Variants in ITGAE observed in about 807,000 individuals in gnomAD.
ITGAE encodes integrin alpha-E.
ITGAE carries 99 observed loss-of-function variants against 136.5 expected under a neutral mutation model. The ratio of observed to expected loss-of-function variants is 0.73; its 90% CI spans 0.62 to 0.86. ITGAE has a LOEUF of 0.86. ITGAE is among the 40% of genes least tolerant of loss of function. The pLI is 0.00. For missense variants in ITGAE, 1,447 were observed against 1,515.3 expected, an observed-to-expected ratio of 0.95 and a Z score of 0.75; for synonymous variants, 613 against 591.8, an observed-to-expected ratio of 1.04 and a Z score of -0.52.
intron 1 of ITGAE, among the ~76,000 whole-genome samples, chr17:3,796,192 T>TGTGTGTGTGTGTGG (rs1016303323): frequency 2.0e-5 from 3 of 148,596 alleles, no homozygotes; most frequent in Admixed American, 6.6e-5. Flanking sequence ...TGTGTGTGTG[T>TGTGTGTGTGTGTGG]GGTGGGGTAG....
intron 17 of ITGAE, among the ~76,000 whole-genome samples, chr17:3,746,963 T>C (rs2051732428): frequency 6.6e-6 from 1 of 152,230 alleles, no homozygotes; most frequent in Non-Finnish European, 1.5e-5. Flanking sequence ...CCCAGGAGAC[T>C]GCTCTCTGAC....
chr17:3,734,517 T>C (rs1049340260), intron 21 of ITGAE, among the ~76,000 whole-genome samples: 54 of 152,336 alleles, frequency 3.5e-4, no homozygotes, highest in African/African-American at 1.3e-3. Context: ...AGATTTTCAC[T>C]TTCCCAGTCT....
At position 3,729,504 on chromosome 17, in the gene ITGAE, C is replaced by T. The variant is rs1305325654; in HGVS notation, c.2886G>A (p.Arg962=). 2.5e-6 allele frequency: 4 copies of T among 1,611,814 alleles called. No individual in the cohort carries two copies. Among genetic ancestry groups the T allele is most frequent in the East Asian group, 2.2e-5 (1 of 44,880 alleles). ...LANETHTLQF[R]HGFVAVLSKP... ...TGGACAGAACTGCAACGAAGCCATGCCTGAATTGAAGGGTGTGGGTCTCGT... is the reference window on the plus strand; with the variant it reads ...TGGACAGAACTGCAACGAAGCCATGTCTGAATTGAAGGGTGTGGGTCTCGT... Residue 962 remains arginine, a synonymous_variant, in exon 24 of 31, where the codon AGG becomes AGA. Coordinates refer to ENST00000263087, the MANE Select transcript of ITGAE (RefSeq NM_002208.5).
intron 2 of ITGAE, among the ~76,000 whole-genome samples, chr17:3,765,407 A>C (rs1298127191): frequency 6.6e-6 from 1 of 151,982 alleles, no homozygotes; most frequent in Non-Finnish European, 1.5e-5. Context: ...GGACAGACTA[A>C]AGAGCACAGG....
chr17:3,757,891 C>T, intron 8 of ITGAE, 32 bp from the exon 9 acceptor site: 1 of 1,611,960 alleles, frequency 6.2e-7, no homozygotes, highest in Non-Finnish European at 8.5e-7. Context: ...AAGAAGAGAG[C>T]TTTGCCAGAA....
intron 1 of ITGAE, among the ~76,000 whole-genome samples, chr17:3,779,753 G>T (rs907528130): frequency 4.5e-4 from 69 of 152,134 alleles, no homozygotes; most frequent in African/African-American, 1.4e-3. Context: ...TGATGTGGTT[G>T]TCCACCATAT....
intron 17 of ITGAE, among the ~76,000 whole-genome samples, chr17:3,747,601 G>C (rs933624997): frequency 6.6e-6 from 1 of 152,118 alleles, no homozygotes; most frequent in African/African-American, 2.4e-5. Context: ...GAGCCACCGC[G>C]CCCGGCCTTC....
intron 26 of ITGAE, among the ~76,000 whole-genome samples, chr17:3,727,354 A>G (rs1173597925): frequency 2.0e-5 from 3 of 151,888 alleles, no homozygotes; most frequent in Non-Finnish European, 2.9e-5. Flanking sequence ...GAATTTATCA[A>G]TTTTCAAAGG....
intron 2 of ITGAE, among the ~76,000 whole-genome samples, chr17:3,775,626 A>G (rs1327838992): frequency 3.5e-5 from 5 of 144,014 alleles, no homozygotes; most frequent in Non-Finnish European, 7.7e-5. Context: ...CACCCAGCTA[A>G]TTTTTTTTTT....
At chr17:3,786,018 T>G (rs972522291) in intron 1 of ITGAE, among the ~76,000 whole-genome samples, 1 of 151,558 alleles carries the variant, frequency 6.6e-6, no homozygotes, top group Non-Finnish European at 1.5e-5. Flanking sequence ...ATACAAAAAA[T>G]TAGCCGGGCG....
intron 29 of ITGAE, chr17:3,717,046 CAGG>C (rs2050957033): frequency 5.0e-6 from 2 of 397,818 alleles, no homozygotes; most frequent in South Asian, 5.3e-5. Context: ...CTAGGTCTGT[CAGG>C]AGATTATGAC....
Position 3,761,999 on chromosome 17 carries a change from C to T in ITGAE, c.248-17G>A. 1 of 1,611,636 alleles carries T rather than the reference C, an allele frequency of 6.2e-7. No homozygotes were observed. The highest frequency in any genetic ancestry group is 8.5e-7 in the Non-Finnish European group (1 of 1,178,404). ...GGACATGCTCTGAAAAAGTTAAGCC[C>T]AGGTGAGGAGGAGGAGGGGACTCTG... is the stretch of plus-strand genomic sequence containing the variant. On this transcript the variant is annotated splice_polypyrimidine_tract_variant and intron_variant, in intron 3 of 30. Transcript: ENST00000263087.
At chr17:3,797,464 CTTT>C (rs573506680) in intron 1 of ITGAE, among the ~76,000 whole-genome samples, 1 of 114,722 alleles carries the variant, frequency 8.7e-6, no homozygotes, top group Non-Finnish European at 1.8e-5. Flanking sequence ...TGCGCCTGGC[CTTT>C]TTTTTTTTTT....
At chr17:3,790,511 AACAC>A (rs144084191) in intron 1 of ITGAE, among the ~76,000 whole-genome samples, 2 of 60,364 alleles carry the variant, frequency 3.3e-5, no homozygotes, top group South Asian at 4.1e-4. Flanking sequence ...GTCTCAAACA[AACAC>A]ACACACACAC....
intron 18 of ITGAE, among the ~76,000 whole-genome samples, chr17:3,744,130 C>T (rs1191163772): frequency 1.3e-5 from 2 of 152,036 alleles, no homozygotes; most frequent in Non-Finnish European, 2.9e-5. Context: ...CCCACCTTGG[C>T]CTCCCAAAGT....
At chr17:3,768,456 G>A (rs959225299) in intron 2 of ITGAE, among the ~76,000 whole-genome samples, 2 of 152,194 alleles carry the variant, frequency 1.3e-5, no homozygotes, top group African/African-American at 2.4e-5. Context: ...GCCCACTCAT[G>A]TAGTTTACAC....
At chr17:3,789,666 C>T (rs1040168167) in intron 1 of ITGAE, among the ~76,000 whole-genome samples, 1 of 151,948 alleles carries the variant, frequency 6.6e-6, no homozygotes, top group Non-Finnish European at 1.5e-5. Flanking sequence ...ACACCCAGAT[C>T]AATTTTGTAT....
intron 15 of ITGAE, among the ~76,000 whole-genome samples, chr17:3,750,840 T>C (rs1178919018): frequency 6.6e-6 from 1 of 152,016 alleles, no homozygotes; most frequent in Non-Finnish European, 1.5e-5. Context: ...GTTCTGTTGT[T>C]TTGAAGTGAC....
chr17:3,772,189 C>T (rs1039751794), intron 2 of ITGAE, among the ~76,000 whole-genome samples: 4 of 152,164 alleles, frequency 2.6e-5, no homozygotes, highest in African/African-American at 7.2e-5. Flanking sequence ...TCCTAGTAGA[C>T]GCTGATGAAC....
Sources: allele counts gnomAD v4.1 joint callset (sites outside exome capture counted in the v4.1 genomes callset), GRCh38; gene constraint gnomAD v4.1.1; transcripts MANE v1.5; gene names NCBI Gene and HGNC (gene_info 2026-07-23, HGNC 2026-07-21).